The following LRRTM4 variants were observed in gnomAD, a reference collection of about 807,000 sequenced individuals.
LRRTM4 encodes the protein leucine-rich repeat transmembrane neuronal protein 4.
In LRRTM4, 25 loss-of-function variants were observed where a neutral mutation model predicts 47.6. The observed-to-expected ratio is 0.53, with a 90% confidence interval of 0.38 to 0.73. The LOEUF (loss-of-function observed/expected upper bound fraction) is 0.73, where lower values mean the gene tolerates loss of function less well. Among genes scored for constraint, LRRTM4 ranks in the 30% least tolerant of loss-of-function variants. The pLI is 0.00. For synonymous variants in LRRTM4, 311 were observed against 269.5 expected (o/e 1.15, Z -1.51); for missense variants, 638 against 713.4 (o/e 0.89, Z 1.20).
chr2:76,862,902 AG>A (rs1336975163), intron 3 of LRRTM4, among the ~76,000 whole-genome samples: 3 of 152,206 alleles, frequency 2.0e-5, no homozygotes, highest in African/African-American at 7.2e-5. Flanking sequence ...CTCTTGGTTA[AG>A]GGTAGCAACA....
chr2:76,892,514 T>A (rs985750), intron 3 of LRRTM4, among the ~76,000 whole-genome samples: 48,866 of 151,530 alleles, frequency 0.32, 8,322 homozygotes, highest in East Asian at 0.59. Flanking sequence ...TCCTAATTTA[T>A]GCTTTCTGAA....
chr2:77,065,993 CA>C, intron 3 of LRRTM4, among the ~76,000 whole-genome samples: 1 of 152,196 alleles, frequency 6.6e-6, no homozygotes, highest in East Asian at 1.9e-4. Flanking sequence ...TAGATCTATA[CA>C]GTATGGAATC....
chr2:76,807,003 A>G (rs918450108), intron 3 of LRRTM4, among the ~76,000 whole-genome samples: 2 of 152,196 alleles, frequency 1.3e-5, no homozygotes, highest in Non-Finnish European at 2.9e-5. Context: ...ACAAATTATC[A>G]GTGAAGAAAA....
chr2:77,064,189 T>C (rs753084015), intron 3 of LRRTM4, among the ~76,000 whole-genome samples: 4 of 152,140 alleles, frequency 2.6e-5, no homozygotes, highest in Non-Finnish European at 5.9e-5. Flanking sequence ...ACAAAAAGGA[T>C]TGGGGAATTC....
At chr2:77,026,648 G>A (rs939149033) in intron 3 of LRRTM4, among the ~76,000 whole-genome samples, 7 of 151,736 alleles carry the variant, frequency 4.6e-5, no homozygotes, top group African/African-American at 1.5e-4. Context: ...AACCTGAAAA[G>A]CTGTTTATTG....
intron 3 of LRRTM4, among the ~76,000 whole-genome samples, chr2:76,816,273 T>G (rs1670893012): frequency 6.6e-6 from 1 of 152,096 alleles, no homozygotes; most frequent in Non-Finnish European, 1.5e-5. Context: ...CAGGAAACTT[T>G]CAGAACTAAG....
intron 3 of LRRTM4, among the ~76,000 whole-genome samples, chr2:77,078,832 G>A (rs1680434862): frequency 6.6e-6 from 1 of 152,164 alleles, no homozygotes; most frequent in East Asian, 1.9e-4. Context: ...CTGAGTAGCT[G>A]ATTAACAATA....
At position 77,072,514 on chromosome 2, in the gene LRRTM4, T is replaced by C. The variant is rs150727185; in HGVS notation, c.1552-323598A>G. ...TCCTGGGTCACCCAAGACTGCCTTA[T>C]AGGCCAGACACAGTGGCTCATGCCT... On this transcript the variant is annotated intron_variant, in intron 3 of 3. Transcript: ENST00000409884. Among the ~76,000 whole-genome samples the C allele has an allele frequency of 5.8e-3, 889 of 152,160 alleles. 9 individuals are homozygous for C. Among genetic ancestry groups the C allele is most frequent in the African/African-American group, 0.02 (850 of 41,516 alleles).
chr2:76,812,154 T>G (rs1370985205), intron 3 of LRRTM4, among the ~76,000 whole-genome samples: 1 of 152,166 alleles, frequency 6.6e-6, no homozygotes, highest in African/African-American at 2.4e-5. Flanking sequence ...ACACAGCTAG[T>G]GGAAGCCTTT....
At chr2:77,146,586 T>C (rs1672267404) in intron 3 of LRRTM4, among the ~76,000 whole-genome samples, 1 of 152,192 alleles carries the variant, frequency 6.6e-6, no homozygotes, top group Admixed American at 6.5e-5. Context: ...ATAACTAGAA[T>C]TAAAATTTTC....
intron 3 of LRRTM4, among the ~76,000 whole-genome samples, chr2:77,062,196 C>T (rs956353580): frequency 1.1e-4 from 17 of 152,248 alleles, no homozygotes; most frequent in African/African-American, 3.9e-4. Context: ...ATTGGACACT[C>T]CTCCAAACTG....
chr2:77,211,463 C>A (rs1293632809), intron 3 of LRRTM4, among the ~76,000 whole-genome samples: 10 of 152,122 alleles, frequency 6.6e-5, no homozygotes. Context: ...AATCTGAGAG[C>A]AAATGGGCAA....
chr2:76,901,645 A>G (rs1673637958), intron 3 of LRRTM4, among the ~76,000 whole-genome samples: 1 of 152,170 alleles, frequency 6.6e-6, no homozygotes, highest in Admixed American at 6.6e-5. Context: ...AGAAAGATAT[A>G]AAAGCCCAGA....
chr2:77,203,017 T>C (rs1486983832), intron 3 of LRRTM4, among the ~76,000 whole-genome samples: 1 of 152,066 alleles, frequency 6.6e-6, no homozygotes, highest in Non-Finnish European at 1.5e-5. Context: ...GACTACCTAC[T>C]GGTCTTGATA....
intron 3 of LRRTM4, among the ~76,000 whole-genome samples, chr2:77,069,320 G>C (rs1680069502): frequency 6.6e-6 from 1 of 151,574 alleles, no homozygotes; most frequent in African/African-American, 2.4e-5. Context: ...ACATGTACAG[G>C]CTTTCATGTG....
At chr2:76,989,083 T>C (rs1177332825) in intron 3 of LRRTM4, among the ~76,000 whole-genome samples, 1 of 151,938 alleles carries the variant, frequency 6.6e-6, no homozygotes, top group African/African-American at 2.4e-5. Context: ...ATAGTTATTT[T>C]AGGCAATACA....
At chr2:76,954,508 G>GAA (rs74921599) in intron 3 of LRRTM4, among the ~76,000 whole-genome samples, 1 of 146,004 alleles carries the variant, frequency 6.8e-6, no homozygotes, top group Admixed American at 6.8e-5. Flanking sequence ...GAAATAAAAA[G>GAA]AAAAAAAAAA....
rs572160592 is a variant in LRRTM4, at chr2:77,097,369, C to G, written c.1552-348453G>C. On this transcript the variant is annotated intron_variant, in intron 3 of 3. Coordinates refer to ENST00000409884, the MANE Select transcript of LRRTM4 (RefSeq NM_001134745.3). ...CATTTTGAATATGTCACTATCACAA[C>G]TTACTTGGGGATATTTACAAAACTT... Among the ~76,000 whole-genome samples, 137 of 152,030 alleles carry G rather than the reference C, an allele frequency of 9.0e-4. 1 individual carries two copies. Among genetic ancestry groups the G allele is most frequent in the African/African-American group, 3.1e-3 (129 of 41,538 alleles).
chr2:76,850,765 C>T (rs1671969579), intron 3 of LRRTM4, among the ~76,000 whole-genome samples: 1 of 152,116 alleles, frequency 6.6e-6, no homozygotes, highest in African/African-American at 2.4e-5. Context: ...ATATAATATA[C>T]AGAATTTTCT....
Sources: allele counts gnomAD v4.1 joint callset (sites outside exome capture counted in the v4.1 genomes callset), GRCh38; gene constraint gnomAD v4.1.1; transcripts MANE v1.5; gene names NCBI Gene and HGNC (gene_info 2026-07-23, HGNC 2026-07-21).